The following GUF1 variants were observed in gnomAD, a reference collection of about 807,000 sequenced individuals.
GUF1 encodes the protein GTP binding elongation factor GUF1.
GUF1 carries 78 observed loss-of-function variants against 82.4 expected under a neutral mutation model. The ratio of observed to expected loss-of-function variants is 0.95; its 90% confidence interval spans 0.79 to 1.14. The LOEUF (loss-of-function observed/expected upper bound fraction) is 1.14. Ranked by LOEUF, GUF1 falls within the 50% of genes most tolerant of loss-of-function variation. GUF1 has a pLI of 0.00. For missense variants in GUF1, 814 were observed against 798.2 expected, an observed-to-expected ratio of 1.02 and a Z score of -0.24; for synonymous variants, 279 against 282.3, an observed-to-expected ratio of 0.99 and a Z score of 0.12.
Position 44,691,700 on chromosome 4 carries a change from T to C in GUF1, c.1514T>C (p.Ile505Thr). Residue 505 changes from isoleucine to threonine, a missense_variant, in exon 13 of 17, where the codon ATT becomes ACT. By Grantham distance (89) the Ile-to-Thr change is moderately conservative. Transcript: ENST00000281543. ...GCAGTTCAGAAGAATATGATATTTA[T>C]TGATCAAAATAGAGTTATGCTTAAA... ...RRAVQKNMIF[I>T]DQNRVMLKYL... is the part of the protein sequence containing the mutation. 6.3e-7 allele frequency: 1 copy of C among 1,587,830 alleles called. No homozygotes were observed. The highest frequency in any genetic ancestry group is 8.6e-7 in the Non-Finnish European group (1 of 1,163,206).
chr4:44,690,663 AATG>A, intron 11 of GUF1, 51 bp from the exon 12 acceptor site: 2 of 1,064,922 alleles, frequency 1.9e-6, no homozygotes, highest in Non-Finnish European at 2.7e-6. Context: ...AAACAAGAAA[AATG>A]ATAATCATTA....
At position 44,690,781 on chromosome 4, in the gene GUF1, CAG is replaced by C. The variant is rs779579461; in HGVS notation, c.1402_1403del (p.Glu468IlefsTer15). 1,470 of 1,599,714 alleles carry C rather than the reference CAG, an allele frequency of 9.2e-4. 2 individuals are homozygous for C. The highest frequency in any genetic ancestry group is 1.1e-3 in the Non-Finnish European group (1,333 of 1,168,624). On this transcript the variant is annotated frameshift_variant, in exon 12 of 17. Transcript: ENST00000281543. LOFTEE classifies it high-confidence loss of function. ...CAATTCCCCGATAAATCAAAAGTAA[CAG>C]AATATTTGGAGCCAGTTGTTTTGGG...
Position 44,678,699 on chromosome 4 carries a change from T to TGGCCCCGG in GUF1, c.86_93dup (p.Ser32GlyfsTer56). The TGGCCCCGG allele has an allele frequency of 1.3e-6, 2 of 1,506,568 alleles. No homozygotes were observed. Among genetic ancestry groups the TGGCCCCGG allele is most frequent in the South Asian group, 1.4e-5 (1 of 72,664 alleles). 93.3% of individuals were successfully genotyped at this position (1,506,568 alleles called of 1,614,324 possible). On this transcript the variant is annotated frameshift_variant, in exon 1 of 17. Coordinates refer to ENST00000281543, the MANE Select transcript of GUF1 (RefSeq NM_021927.3). LOFTEE classifies it high-confidence loss of function. ...CGAGCCACTGGGGCCGCGCTTCTGG[T>TGGCCCCGG]GGCCCCGGGGCCCCGGTCCGCGCCG... is the stretch of plus-strand genomic sequence containing the variant.
intron 16 of GUF1, among the ~76,000 whole-genome samples, 160 bp downstream of exon 16, chr4:44,697,604 T>C (rs1715917343): frequency 6.6e-6 from 1 of 152,150 alleles, no homozygotes; most frequent in Non-Finnish European, 1.5e-5. Flanking sequence ...GGCAACCTGT[T>C]CATTTTGCCC....
chr4:44,680,634 G>T, intron 2 of GUF1, 60 bp from the exon 3 acceptor site: 1 of 1,436,118 alleles, frequency 7.0e-7, no homozygotes, highest in Non-Finnish European at 9.4e-7. Context: ...AATTTTATAA[G>T]TAATATTCTC....
rs1300617411 is a variant in GUF1 at position 44,689,906 on chromosome 4, T to A, written c.1266T>A (p.Asn422Lys). The A allele has an allele frequency of 1.9e-6, 3 of 1,609,000 alleles. No individual in the cohort carries two copies. The highest frequency in any genetic ancestry group is 2.6e-6 in the Non-Finnish European group (3 of 1,176,338). Reference protein sequence around the residue: ...VFNQRLEQEYNASVILTTPTV... With the variant: ...VFNQRLEQEYKASVILTTPTV... ...ACCAGCGACTGGAGCAAGAATATAA[T>A]GCTTCTGTTATTTTAACAACCCCTA... Residue 422 changes from asparagine (N) to lysine (K), a missense_variant, in exon 11 of 17, where the codon AAT becomes AAA. Physicochemically the swap from Asn to Lys is moderately conservative, Grantham distance 94. Coordinates refer to ENST00000281543, the MANE Select transcript of GUF1 (RefSeq NM_021927.3).
chr4:44,678,794 G>GC lies in GUF1; in HGVS notation c.165+12dup. On this transcript the variant is annotated splice_region_variant and intron_variant, in intron 1 of 16. Coordinates refer to ENST00000281543, the MANE Select transcript of GUF1 (RefSeq NM_021927.3). ...CAGCTCCGCAGAATTCAAGGTGACT[G>GC]CCCCCTGGAATCTGATTTAGCCAAG... 2 of 1,549,256 alleles carry GC rather than the reference G, an allele frequency of 1.3e-6. No homozygotes were observed. Among genetic ancestry groups the GC allele is most frequent in the Non-Finnish European group, 1.7e-6 (2 of 1,155,320 alleles).
intron 5 of GUF1, 193 bp downstream of exon 5, chr4:44,682,604 A>G: frequency 3.0e-6 from 1 of 332,174 alleles, no homozygotes. Flanking sequence ...TTGAGAAGGT[A>G]GTTCTCCTGA....
chr4:44,678,765 T>C lies in GUF1; in HGVS notation c.143T>C (p.Leu48Pro), dbSNP rs2109624508. The change falls in exon 1 of 17, where the codon CTC becomes CCC. Residue 48 changes from leucine (L) to proline (P), a missense_variant. Leu to Pro is a moderately conservative substitution (Grantham distance 98). Transcript: ENST00000281543. ...AAPESWATDR[L>P]YSSAEFKEKL... ...CCAGAGTCCTGGGCTACCGACAGGC[T>C]CTACAGCTCCGCAGAATTCAAGGTG... is the stretch of plus-strand genomic sequence containing the variant. 2 of 1,554,132 alleles carry C rather than the reference T, an allele frequency of 1.3e-6. No homozygotes were observed. Among genetic ancestry groups the C allele is most frequent in the Non-Finnish European group, 1.7e-6 (2 of 1,157,000 alleles).
chr4:44,695,661 G>A lies in GUF1; in HGVS notation c.1762G>A (p.Asp588Asn). 6.2e-7 allele frequency: 1 copy of A among 1,613,504 alleles called. No individual in the cohort carries two copies. Among genetic ancestry groups the A allele is most frequent in the Non-Finnish European group, 8.5e-7 (1 of 1,179,614 alleles). The change falls in exon 15 of 17, where the codon GAT becomes AAT. Residue 588 changes from aspartate (D) to asparagine (N), a missense_variant. Asp to Asn is a conservative substitution (Grantham distance 23, BLOSUM62 1). Transcript: ENST00000281543. ...CAAAGCCATATGTGAACGGCTGAAG[G>A]ATTCTCTTCCTAGGCAACTGTTTGA... is the stretch of plus-strand genomic sequence containing the variant. ...IGKAICERLK[D>N]SLPRQLFEIA...
At chr4:44,686,064 A>G (rs1199304455) in intron 7 of GUF1, 41 bp downstream of exon 7, 2 of 1,341,010 alleles carry the variant, frequency 1.5e-6, no homozygotes, top group East Asian at 2.3e-5. Context: ...TCTCTATTTA[A>G]TAGTTCAAAA....
At chr4:44,694,190 CT>C (rs1715628047) in intron 13 of GUF1, 5 of 451,122 alleles carry the variant, frequency 1.1e-5, no homozygotes, top group Non-Finnish European at 2.0e-5. Flanking sequence ...TTCCTTTCCC[CT>C]ATAAACATAT....
At chr4:44,688,746 CAT>C (rs915900636) in intron 9 of GUF1, among the ~76,000 whole-genome samples, 14 of 152,010 alleles carry the variant, frequency 9.2e-5, no homozygotes, top group South Asian at 4.1e-4. Context: ...CAAAGTCAGT[CAT>C]GTGGATTTTA....
Position 44,678,614 on chromosome 4 carries a change from G to T in GUF1, c.-9G>T, listed in dbSNP as rs1053870959. 3.5e-6 allele frequency: 5 copies of T among 1,446,864 alleles called. No individual in the cohort carries two copies. In the African/African-American group the frequency reaches 6.0e-5, roughly 17 times the overall value. The allele number at this position is 1,446,864 out of a possible 1,614,324, so 89.6% of individuals were successfully genotyped here. On this transcript the variant is annotated 5_prime_UTR_variant, in exon 1 of 17. Coordinates refer to ENST00000281543, the MANE Select transcript of GUF1 (RefSeq NM_021927.3). ...GGTACCCTCTCCTGACGCCTCCGCCGCCCGGGTCATGTGGACCCTCGTGGG... is the reference window on the plus strand; with the variant it reads ...GGTACCCTCTCCTGACGCCTCCGCCTCCCGGGTCATGTGGACCCTCGTGGG...
intron 9 of GUF1, among the ~76,000 whole-genome samples, chr4:44,688,748 T>C (rs559976688): frequency 6.6e-6 from 1 of 151,912 alleles, no homozygotes; most frequent in Non-Finnish European, 1.5e-5. Context: ...AAGTCAGTCA[T>C]GTGGATTTTA....
intron 15 of GUF1, among the ~76,000 whole-genome samples, chr4:44,697,053 T>G (rs556162967): frequency 6.6e-6 from 1 of 152,320 alleles, no homozygotes; most frequent in East Asian, 1.9e-4. Flanking sequence ...AGTAGTAGTG[T>G]TAATTTTTAG....
chr4:44,678,457 C>T lies in GUF1; in HGVS notation c.-166C>T, dbSNP rs932018339. 1.9e-6 allele frequency: 1 copy of T among 534,648 alleles called. No individual in the cohort carries two copies. Among genetic ancestry groups the T allele is most frequent in the Non-Finnish European group, 3.0e-6 (1 of 334,990 alleles). The allele number at this position is 534,648 out of a possible 1,614,324, so 33.1% of individuals were successfully genotyped here. ...GCTGCGCCGCCGCTTCGGGTTGCTT[C>T]CGGATCTGGTACTTGGGCAGAGCTC... On this transcript the variant is annotated 5_prime_UTR_variant, in exon 1 of 17. Transcript: ENST00000281543.
At chr4:44,682,882 A>G (rs1045348527) in intron 5 of GUF1, among the ~76,000 whole-genome samples, 4 of 152,086 alleles carry the variant, frequency 2.6e-5, no homozygotes, top group African/African-American at 9.7e-5. Flanking sequence ...TAAGTTTAAA[A>G]GAAGGCCATA....
chr4:44,695,491 A>G (rs933606841), intron 14 of GUF1, 124 bp from the exon 15 acceptor site: 4 of 578,670 alleles, frequency 6.9e-6, no homozygotes, highest in African/African-American at 5.8e-5. Context: ...AGAGAGATTT[A>G]TAAGTAAGTT....
Sources: allele counts gnomAD v4.1 joint callset (sites outside exome capture counted in the v4.1 genomes callset), GRCh38; gene constraint gnomAD v4.1.1; transcripts MANE v1.5; gene names NCBI Gene and HGNC (gene_info 2026-07-23, HGNC 2026-07-21).